The following MYO7A variants were observed in gnomAD, a reference collection of about 807,000 sequenced individuals.
The protein encoded by MYO7A is myosin VIIA, also known as unconventional myosin-VIIa.
MYO7A carries 210 observed loss-of-function variants against 263.8 expected under a neutral mutation model. That is an observed-to-expected ratio of 0.80 (90% CI 0.71 to 0.89). MYO7A has a LOEUF of 0.89. Among genes scored for constraint, MYO7A ranks in the 40% least tolerant of loss-of-function variants. The pLI is 0.00. For synonymous variants in MYO7A, 1,239 were observed against 1,197.3 expected (o/e 1.03, Z -0.72); for missense variants, 2,820 against 2,968.3 (o/e 0.95, Z 1.16).
chr11:77,182,592 G>A lies in MYO7A; in HGVS notation c.3277G>A (p.Glu1093Lys), dbSNP rs782403609. The change falls in exon 25 of 49, where the codon GAG becomes AAG. Residue 1093 changes from glutamate (E) to lysine (K), a missense_variant. By Grantham distance (56) the Glu-to-Lys change is moderately conservative. Transcript: ENST00000409709. ...YKRELQALQG[E>K]GEAQLPEGQK... ...GAGGGAGCTGCAGGCCCTGCAGGGC[G>A]AGGGCGAGGTGAGGCCAAGGTGCCC... The A allele has an allele frequency of 2.6e-5, 42 of 1,612,838 alleles. No homozygotes were observed. In the South Asian group the frequency reaches 4.2e-4, roughly 16 times the overall value.
chr11:77,156,553 G>T, intron 5 of MYO7A, 107 bp from the exon 6 acceptor site: 1 of 1,514,258 alleles, frequency 6.6e-7, no homozygotes, highest in African/African-American at 1.4e-5. Context: ...ATTGTCAGCT[G>T]ATATTACAGA....
chr11:77,170,197 G>T (rs889939568), intron 15 of MYO7A, among the ~76,000 whole-genome samples: 1 of 152,182 alleles, frequency 6.6e-6, no homozygotes, highest in Admixed American at 6.5e-5. Context: ...GTGATTTTCA[G>T]TGGTGTGGTG....
In MYO7A at chr11:77,202,379, G is replaced by A. The variant is rs1241956038; in HGVS notation, c.5123G>A (p.Arg1708His). 41 of 1,558,296 alleles carry A rather than the reference G, an allele frequency of 2.6e-5. No individual in the cohort carries two copies. Among genetic ancestry groups the A allele is most frequent in the Middle Eastern group, 1.7e-4 (1 of 6,016 alleles). The change falls in exon 37 of 49, where the codon CGT becomes CAT. Residue 1708 changes from arginine to histidine, a missense_variant. By Grantham distance (29) the Arg-to-His change is conservative. Transcript: ENST00000409709. ...CTGCGAACGGCGGAGCCCGAGGTGCGTGCCAAGCCCTACACGCTGGAGGAG... is the reference window on the plus strand; with the variant it reads ...CTGCGAACGGCGGAGCCCGAGGTGCATGCCAAGCCCTACACGCTGGAGGAG... ...LQLRTAEPEV[R>H]AKPYTLEEFS... is the part of the protein sequence containing the mutation.
intron 48 of MYO7A, among the ~76,000 whole-genome samples, chr11:77,214,363 TC>T (rs1447195766): frequency 6.6e-6 from 1 of 152,164 alleles, no homozygotes; most frequent in East Asian, 1.9e-4. Context: ...GAGGGAGGGA[TC>T]CGTGACTTGA....
chr11:77,198,534 A>G lies in MYO7A; in HGVS notation c.4481A>G (p.Asn1494Ser), dbSNP rs765663475. 3 of 1,613,940 alleles carry G rather than the reference A, an allele frequency of 1.9e-6. No individual in the cohort carries two copies. The highest frequency in any genetic ancestry group is 1.7e-6 in the Non-Finnish European group (2 of 1,179,892). Reference sequence around the variant, plus strand: ...AAGAACGACGTCATCGTGGCCGTCAACTGGACGGGTGTGTACTTTGTGGAT... The same window carrying G: ...AAGAACGACGTCATCGTGGCCGTCAGCTGGACGGGTGTGTACTTTGTGGAT... ...LPKNDVIVAV[N>S]WTGVYFVDEQ... The change falls in exon 34 of 49, where the codon AAC (asparagine) becomes AGC (serine). Residue 1494 changes from asparagine to serine, a missense_variant. Asn to Ser is a conservative substitution (Grantham distance 46). Transcript: ENST00000409709.
chr11:77,166,405 A>C (rs1428651923), intron 15 of MYO7A, among the ~76,000 whole-genome samples: 1 of 152,204 alleles, frequency 6.6e-6, no homozygotes, highest in African/African-American at 2.4e-5. Context: ...CTGAGAGGTC[A>C]CAGAGCAGAA....
chr11:77,128,653 C>T (rs1457677986), intron 1 of MYO7A, among the ~76,000 whole-genome samples, 164 bp downstream of exon 1: 3 of 152,204 alleles, frequency 2.0e-5, no homozygotes, highest in African/African-American at 4.8e-5. Flanking sequence ...CTGAATGAAA[C>T]TGTCCCGAGC....
chr11:77,170,546 C>T (rs1953997518), intron 15 of MYO7A, among the ~76,000 whole-genome samples: 1 of 152,144 alleles, frequency 6.6e-6, no homozygotes, highest in Non-Finnish European at 1.5e-5. Flanking sequence ...GATTTTGTTC[C>T]TCACTTGGAC....
intron 2 of MYO7A, among the ~76,000 whole-genome samples, chr11:77,132,777 G>A (rs879953807): frequency 5.3e-5 from 8 of 152,274 alleles, no homozygotes; most frequent in Middle Eastern, 3.4e-3. Context: ...GTGAGCCACC[G>A]CACCAGGTGG....
Position 77,211,193 on chromosome 11 carries a change from G to A in MYO7A, c.6093G>A (p.Arg2031=). 1.3e-6 allele frequency: 2 copies of A among 1,593,430 alleles called. No individual in the cohort carries two copies. Among genetic ancestry groups the A allele is most frequent in the Non-Finnish European group, 1.7e-6 (2 of 1,170,322 alleles). ...TCCGAGGCTACCACAAGTGCACGCG[G>A]GAGGAGGTGCTGCAGCTGGGGGCGC... The part of the protein sequence containing the change: ...KYLRGYHKCT[R]EEVLQLGALI... Residue 2031 remains arginine (R), a synonymous_variant, in exon 45 of 49, where the codon CGG becomes CGA. Coordinates refer to ENST00000409709, the MANE Select transcript of MYO7A (RefSeq NM_000260.4).
At position 77,199,696 on chromosome 11, in the gene MYO7A, G is replaced by T; in HGVS notation, c.4730G>T (p.Gly1577Val). 6.2e-7 allele frequency: 1 copy of T among 1,613,616 alleles called. No individual in the cohort carries two copies. Among genetic ancestry groups the T allele is most frequent in the Non-Finnish European group, 8.5e-7 (1 of 1,179,834 alleles). The change falls in exon 35 of 49, where the codon GGG (glycine) becomes GTG (valine). Residue 1577 changes from glycine to valine, a missense_variant. Gly to Val is a moderately radical substitution (Grantham distance 109). Transcript: ENST00000409709. Reference sequence around the variant, plus strand: ...AGCTTCACGCTGGCCACCATCAAGGGGGACGAATACACCTTCACCTCCAGC... The same window carrying T: ...AGCTTCACGCTGGCCACCATCAAGGTGGACGAATACACCTTCACCTCCAGC... Reference protein sequence around the residue: ...APSFTLATIKGDEYTFTSSNA... With the variant: ...APSFTLATIKVDEYTFTSSNA...
At chr11:77,149,577 T>C (rs1555056057) in intron 4 of MYO7A, among the ~76,000 whole-genome samples, 31 of 151,996 alleles carry the variant, frequency 2.0e-4, no homozygotes, top group Non-Finnish European at 2.5e-4. Context: ...GGCAAGGAGC[T>C]CTCAGGGCCA....
chr11:77,195,640 T>C (rs749403608), intron 32 of MYO7A, among the ~76,000 whole-genome samples: 5 of 152,208 alleles, frequency 3.3e-5, no homozygotes, highest in Non-Finnish European at 5.9e-5. Context: ...CAGACATGGT[T>C]TCTGCCCTTT....
At chr11:77,199,997 G>A (rs1165187444) in intron 35 of MYO7A, among the ~76,000 whole-genome samples, 179 bp downstream of exon 35, 2 of 152,186 alleles carry the variant, frequency 1.3e-5, no homozygotes, top group Admixed American at 6.5e-5. Context: ...GGCTGGGCAC[G>A]GTGGCTTATG....
chr11:77,135,365 T>A lies in MYO7A; in HGVS notation c.18+4713T>A, dbSNP rs576594952. ...TTCACTTAGCATAATATCCTCAAGG[T>A]TCATCCATGTTGTATTAATAGCATG... On this transcript the variant is annotated intron_variant, in intron 2 of 48. Coordinates refer to ENST00000409709, the MANE Select transcript of MYO7A (RefSeq NM_000260.4). Among the ~76,000 whole-genome samples the A allele has an allele frequency of 1.8e-4, 28 of 152,374 alleles. No homozygotes were observed. The South Asian group carries it at 5.6e-3, about 30-fold the overall frequency.
intron 22 of MYO7A, among the ~76,000 whole-genome samples, chr11:77,180,941 G>A (rs559577222): frequency 2.2e-4 from 34 of 152,328 alleles, no homozygotes; most frequent in African/African-American, 7.9e-4. Flanking sequence ...TTTATAATAT[G>A]GATTACATGC....
intron 15 of MYO7A, among the ~76,000 whole-genome samples, chr11:77,172,007 C>T (rs1954139037): frequency 6.6e-6 from 1 of 152,202 alleles, no homozygotes; most frequent in Non-Finnish European, 1.5e-5. Flanking sequence ...GAGGAGGCTG[C>T]TTGTGTGCCT....
At chr11:77,158,743 G>A (rs1361636805) in intron 9 of MYO7A, among the ~76,000 whole-genome samples, 1 of 152,224 alleles carries the variant, frequency 6.6e-6, no homozygotes, top group Non-Finnish European at 1.5e-5. Flanking sequence ...CTTAGAGAGA[G>A]GGTAAATCTT....
chr11:77,202,169 G>C, intron 36 of MYO7A, 131 bp from the exon 37 acceptor site: 1 of 1,215,748 alleles, frequency 8.2e-7, no homozygotes, highest in Non-Finnish European at 1.1e-6. Flanking sequence ...GGCTCCCAGG[G>C]TCAGAATGGG....
Sources: gnomAD v4.1 joint callset for allele counts (sites outside exome capture counted in the v4.1 genomes callset) on GRCh38, gnomAD v4.1.1 for gene constraint, MANE v1.5 for transcripts, NCBI Gene and HGNC (gene_info 2026-07-23, HGNC 2026-07-21) for gene names.